The following STK3 variants were observed in gnomAD, a reference collection of about 807,000 sequenced individuals.
The protein encoded by STK3 is serine/threonine kinase 3.
STK3 carries 41 observed loss-of-function variants against 58.0 expected under a neutral mutation model. The observed-to-expected ratio is 0.71, with a 90% CI of 0.55 to 0.92. The LOEUF is 0.92. STK3 is among the 40% of genes least tolerant of loss of function. The pLI is 0.00. For missense variants in STK3, 479 were observed against 602.7 expected, an observed-to-expected ratio of 0.79 and a Z score of 2.15; for synonymous variants, 170 against 191.0, an observed-to-expected ratio of 0.89 and a Z score of 0.91.
In STK3 at chr8:98,543,810, G is replaced by A. The variant is rs186029361; in HGVS notation, c.1141+4159C>T. Among the ~76,000 whole-genome samples the A allele has an allele frequency of 1.5e-4, 23 of 152,216 alleles. No individual in the cohort carries two copies. In the East Asian group the frequency reaches 3.9e-3, roughly 26 times the overall value. ...AGTTGAGGGCCCAAATGGGGGAGAAGGTCTTGATCTGGCAGCCCTCATCTG... is the reference window on the plus strand; with the variant it reads ...AGTTGAGGGCCCAAATGGGGGAGAAAGTCTTGATCTGGCAGCCCTCATCTG... On this transcript the variant is annotated intron_variant, in intron 9 of 10. Coordinates refer to ENST00000419617, the MANE Select transcript of STK3 (RefSeq NM_006281.4).
the STK3 span, among the ~76,000 whole-genome samples, chr8:98,348,900 C>T: frequency 6.6e-6 from 1 of 152,154 alleles, no homozygotes; most frequent in Non-Finnish European, 1.5e-5. Flanking sequence ...AATAATGCTC[C>T]CTGGTATTTA....
At chr8:98,663,981 G>C (rs1356704293) in intron 6 of STK3, among the ~76,000 whole-genome samples, 2 of 152,026 alleles carry the variant, frequency 1.3e-5, no homozygotes, top group African/African-American at 4.8e-5. Context: ...CCACACTTTT[G>C]CCTCATGCAC....
chr8:98,426,485 CCGCCCCCGCCGTGCGGCCTG>C (rs1818234404), intron 3 of STK3, among the ~76,000 whole-genome samples: 1 of 152,180 alleles, frequency 6.6e-6, no homozygotes, highest in South Asian at 2.1e-4. Context: ...TCAGCGACTC[CCGCCCCCGCCGTGCGGCCTG>C]CGCTCCCGCC....
chr8:98,376,380 T>C (rs7843958), intron 2 of STK3, among the ~76,000 whole-genome samples: 137,040 of 152,242 alleles, frequency 0.9, 61,838 homozygotes, highest in Middle Eastern at 0.94. Flanking sequence ...TTTGGCTTTT[T>C]GTTCTCTTAG....
intron 3 of STK3, among the ~76,000 whole-genome samples, chr8:98,409,820 G>A (rs1324155377): frequency 6.6e-6 from 1 of 152,142 alleles, no homozygotes. Flanking sequence ...CACCTCCCTT[G>A]CCAGATGCCT....
chr8:98,452,935 A>G (rs1819262447), downstream of STK3, among the ~76,000 whole-genome samples: 1 of 140,484 alleles, frequency 7.1e-6, no homozygotes, highest in Non-Finnish European at 1.5e-5. Context: ...TAATTTTTGT[A>G]TTTTTAGTAG....
chr8:98,389,967 T>C (rs1345320414), upstream of STK3, among the ~76,000 whole-genome samples: 4 of 152,042 alleles, frequency 2.6e-5, no homozygotes, highest in African/African-American at 9.7e-5. Context: ...ACTTTCTGCA[T>C]GAGCCCCCCT....
At chr8:98,585,887 GCTCT>G (rs1295947962) in intron 7 of STK3, among the ~76,000 whole-genome samples, 23 of 151,186 alleles carry the variant, frequency 1.5e-4, no homozygotes, top group African/African-American at 3.4e-4. Flanking sequence ...TCATGATTTG[GCTCT>G]CTGTTTGTCT....
chr8:98,939,502 C>T (rs1017324502), intron 1 of STK3, among the ~76,000 whole-genome samples: 3 of 152,200 alleles, frequency 2.0e-5, no homozygotes, highest in Admixed American at 2.0e-4. Context: ...CCTATCCCAG[C>T]GTCCCAGGGA....
At chr8:98,883,617 A>G (rs1201870120), downstream of STK3, 3 of 702,568 alleles carry the variant, frequency 4.3e-6, no homozygotes, top group Non-Finnish European at 7.8e-6. Context: ...GCCTGGTCTG[A>G]GGAGGGACTG....
intron 6 of STK3, among the ~76,000 whole-genome samples, chr8:98,680,379 T>C (rs1036258527): frequency 1.3e-5 from 2 of 152,194 alleles, no homozygotes; most frequent in East Asian, 1.9e-4. Flanking sequence ...ACAGTTCAAA[T>C]TGGCTTCATA....
At position 98,744,865 on chromosome 8, in the gene STK3, T is replaced by C. The variant is rs927054839; in HGVS notation, c.351+4411A>G. The stretch of plus-strand genomic sequence containing the variant: ...GGCTTATAAGCCAGTTAAAAAGGGA[T>C]AGAAAATTGTGTTAGGACAATTAGA... On this transcript the variant is annotated intron_variant, in intron 4 of 10. Coordinates refer to ENST00000419617, the MANE Select transcript of STK3 (RefSeq NM_006281.4). Among the ~76,000 whole-genome samples the C allele has an allele frequency of 7.3e-5, 11 of 150,900 alleles. No homozygotes were observed. In the Middle Eastern group the frequency reaches 0.01, roughly 143 times the overall value.
intron 10 of STK3, among the ~76,000 whole-genome samples, chr8:98,497,785 T>A (rs1161588852): frequency 6.6e-6 from 1 of 152,100 alleles, no homozygotes; most frequent in African/African-American, 2.4e-5. Flanking sequence ...ATCAAGAAGA[T>A]AGACAATAGC....
chr8:98,620,888 C>T (rs1164316576), intron 6 of STK3, among the ~76,000 whole-genome samples: 1 of 150,898 alleles, frequency 6.6e-6, no homozygotes, highest in African/African-American at 2.4e-5. Context: ...CTTCAATGTC[C>T]ATGAATTCAT....
At chr8:98,422,779 A>G (rs1354386730) in intron 3 of STK3, among the ~76,000 whole-genome samples, 1 of 152,022 alleles carries the variant, frequency 6.6e-6, no homozygotes, top group Non-Finnish European at 1.5e-5. Context: ...CCGGGTGCAG[A>G]CTCATGGACA....
intron 4 of STK3, among the ~76,000 whole-genome samples, chr8:98,715,744 A>C (rs1013346443): frequency 2.0e-5 from 3 of 152,222 alleles, no homozygotes; most frequent in Non-Finnish European, 1.5e-5. Flanking sequence ...GGGATCTAGA[A>C]CTAGAAATAC....
chr8:98,941,193 C>CT (rs1368934314), intron 1 of STK3, among the ~76,000 whole-genome samples: 11 of 152,384 alleles, frequency 7.2e-5, no homozygotes, highest in Non-Finnish European at 4.4e-5. Flanking sequence ...CTCAGCCCTG[C>CT]TGAGAGCACG....
At chr8:98,592,571 A>G (rs934640214) in intron 7 of STK3, among the ~76,000 whole-genome samples, 2 of 151,848 alleles carry the variant, frequency 1.3e-5, no homozygotes, top group Non-Finnish European at 2.9e-5. Context: ...TAGTTTGTCA[A>G]AAATGTTTAG....
intron 1 of STK3, among the ~76,000 whole-genome samples, chr8:98,897,991 G>A (rs1399629606): frequency 6.6e-6 from 1 of 152,214 alleles, no homozygotes; most frequent in Non-Finnish European, 1.5e-5. Context: ...AACTAGTCAT[G>A]TGGTCCTTTT....
Sources: gnomAD v4.1 joint callset for allele counts (sites outside exome capture counted in the v4.1 genomes callset) on GRCh38, gnomAD v4.1.1 for gene constraint, MANE v1.5 for transcripts, NCBI Gene and HGNC (gene_info 2026-07-23, HGNC 2026-07-21) for gene names.